SYT14: variants seen among roughly 807,000 people sequenced by gnomAD.
SYT14 encodes synaptotagmin 14.
SYT14 carries 32 observed loss-of-function variants against 74.2 expected under a neutral mutation model. The ratio of observed to expected loss-of-function variants is 0.43; its 90% CI spans 0.33 to 0.58. The LOEUF (loss-of-function observed/expected upper bound fraction) is 0.58, where lower values mean the gene tolerates loss of function less well. Ranked by LOEUF, SYT14 falls within the 20% of genes least tolerant of loss-of-function variation. SYT14 has a pLI of 0.05. For synonymous variants in SYT14, 298 were observed against 337.7 expected (o/e 0.88, Z 1.29); for missense variants, 791 against 981.8 (o/e 0.81, Z 2.60).
At chr1:210,119,489 G>A (rs778089422) in intron 7 of SYT14, among the ~76,000 whole-genome samples, 2 of 152,208 alleles carry the variant, frequency 1.3e-5, no homozygotes, top group Middle Eastern at 3.4e-3. Flanking sequence ...TTATTAGCAG[G>A]TTTCTAGTCT....
intron 2 of SYT14, among the ~76,000 whole-genome samples, chr1:210,000,184 A>C (rs227187): frequency 0.54 from 82,572 of 151,928 alleles, 23,719 homozygotes; most frequent in African/African-American, 0.73. Context: ...TCCCTATTTT[A>C]GTGTACAGTA....
intron 5 of SYT14, among the ~76,000 whole-genome samples, chr1:210,064,112 T>A (rs1444580609): frequency 6.6e-6 from 1 of 152,036 alleles, no homozygotes; most frequent in Non-Finnish European, 1.5e-5. Flanking sequence ...GCATACAATT[T>A]ATCTTGTATA....
chr1:210,153,260 C>T lies in SYT14; in HGVS notation c.2035-2461C>T, dbSNP rs549970238. Reference sequence around the variant, plus strand: ...CTCACCACATTTGGTATTCTTTTAGCTCATCTGTTTGTTGTGTAGCGTTAC... The same window carrying T: ...CTCACCACATTTGGTATTCTTTTAGTTCATCTGTTTGTTGTGTAGCGTTAC... On this transcript the variant is annotated intron_variant, in intron 7 of 9. Coordinates refer to ENST00000637265, the Ensembl canonical transcript of SYT14. 3.9e-5 allele frequency among the ~76,000 whole-genome samples: 6 copies of T among 152,262 alleles called. No homozygotes were observed. The South Asian group carries it at 1.2e-3, about 32-fold the overall frequency.
chr1:210,084,080 C>T (rs924007508), intron 5 of SYT14, among the ~76,000 whole-genome samples: 13 of 152,148 alleles, frequency 8.5e-5, no homozygotes, highest in African/African-American at 3.1e-4. Flanking sequence ...TATTTTTTAG[C>T]GCCATTACTT....
chr1:210,010,462 A>G (rs1160832146), intron 2 of SYT14, among the ~76,000 whole-genome samples: 2 of 152,116 alleles, frequency 1.3e-5, no homozygotes, highest in Admixed American at 6.5e-5. Context: ...TTCTGTCTTT[A>G]ACCATGCTAT....
chr1:210,155,151 A>G (rs934285731), intron 7 of SYT14, among the ~76,000 whole-genome samples: 9 of 152,286 alleles, frequency 5.9e-5, no homozygotes, highest in Non-Finnish European at 1.2e-4. Context: ...ATCATTTTGT[A>G]TACTTCTTCA....
chr1:209,976,468 A>G (rs1160998529), intron 2 of SYT14, among the ~76,000 whole-genome samples: 2 of 152,246 alleles, frequency 1.3e-5, no homozygotes, highest in Non-Finnish European at 2.9e-5. Flanking sequence ...TGTACCCAGT[A>G]GGCATTCAGG....
intron 2 of SYT14, among the ~76,000 whole-genome samples, chr1:209,975,237 T>G (rs904873303): frequency 3.8e-4 from 58 of 152,260 alleles, no homozygotes; most frequent in African/African-American, 1.4e-3. Flanking sequence ...TGGCCAGAAC[T>G]TCCAACACTA....
At chr1:210,083,882 T>C (rs1045276487) in intron 5 of SYT14, among the ~76,000 whole-genome samples, 3 of 152,088 alleles carry the variant, frequency 2.0e-5, no homozygotes, top group Admixed American at 6.6e-5. Flanking sequence ...ATTTTTAATT[T>C]TTTGTAGAGA....
At chr1:210,005,119 G>A (rs575340807) in intron 2 of SYT14, among the ~76,000 whole-genome samples, 1 of 152,116 alleles carries the variant, frequency 6.6e-6, no homozygotes, top group Admixed American at 6.5e-5. Context: ...TTCATACACA[G>A]TAAATCTATT....
intron 5 of SYT14, among the ~76,000 whole-genome samples, chr1:210,076,164 G>T (rs548669146): frequency 6.6e-6 from 1 of 152,080 alleles, no homozygotes; most frequent in Non-Finnish European, 1.5e-5. Flanking sequence ...GTTTTATTGA[G>T]ATACTTGACT....
At chr1:209,983,479 A>T (rs1053437094) in intron 2 of SYT14, among the ~76,000 whole-genome samples, 1 of 152,012 alleles carries the variant, frequency 6.6e-6, no homozygotes, top group African/African-American at 2.4e-5. Context: ...TGCCTGGCCA[A>T]ATCTGCCATT....
rs561069342 is a variant in SYT14, at chr1:210,052,665, C to CAAAAAAAAAAAAAAAAAAAAAAAAAA, written c.1312+31430_1312+31431insAAAAAAAAAAAAAAAAAAAAAAAAAA. On this transcript the variant is annotated intron_variant, in intron 5 of 9. Transcript: ENST00000637265. ...CAGCAAGAGCGAAACTACATCTCAC[C>CAAAAAAAAAAAAAAAAAAAAAAAAAA]AAAAAAAAAAAAAAAAAAAGCTCTC... Among the ~76,000 whole-genome samples the CAAAAAAAAAAAAAAAAAAAAAAAAAA allele has an allele frequency of 1.4e-4, 6 of 42,266 alleles. 1 individual carries two copies. The highest frequency in any genetic ancestry group is 2.5e-4 in the Non-Finnish European group (6 of 23,622). 27.7% of individuals were successfully genotyped at this position (42,266 alleles called of 152,430 possible). A position where few individuals can be genotyped will look rare whatever the true frequency, so the allele number is the denominator to read the frequency against.
chr1:210,094,575 T>G, exon 6 of SYT14: 2 of 1,613,916 alleles, frequency 1.2e-6, no homozygotes, highest in Non-Finnish European at 1.7e-6. Context: ...GTGACAGCAC[T>G]GCAGTCCTGA....
intron 2 of SYT14, chr1:209,953,279 G>C (rs2078940960): frequency 7.8e-7 from 1 of 1,281,904 alleles, no homozygotes; most frequent in South Asian, 1.2e-5. Context: ...TTACTAGGTG[G>C]GAGGCAAGGA....
At chr1:209,952,800 C>T in intron 2 of SYT14, 44 bp downstream of exon 2, 1 of 1,515,400 alleles carries the variant, frequency 6.6e-7, no homozygotes, top group Non-Finnish European at 9.1e-7. Flanking sequence ...TAAATGAATA[C>T]TTCCAAAGTG....
At chr1:210,080,693 A>G (rs1005975194) in intron 5 of SYT14, among the ~76,000 whole-genome samples, 3 of 152,248 alleles carry the variant, frequency 2.0e-5, no homozygotes, top group Non-Finnish European at 4.4e-5. Context: ...CTGCTCTTTC[A>G]GGAAGCTCAC....
At chr1:210,083,940 A>C (rs760544854) in intron 5 of SYT14, among the ~76,000 whole-genome samples, 4 of 152,196 alleles carry the variant, frequency 2.6e-5, no homozygotes, top group African/African-American at 9.7e-5. Context: ...CTTGGTCCCA[A>C]GCAATCCTCC....
chr1:209,943,883 T>C (rs1156462299), intron 1 of SYT14, among the ~76,000 whole-genome samples: 1 of 152,188 alleles, frequency 6.6e-6, no homozygotes, highest in Non-Finnish European at 1.5e-5. Flanking sequence ...TATGTATATA[T>C]AGTAATAGCT....
Sources: gnomAD v4.1 joint callset for allele counts (sites outside exome capture counted in the v4.1 genomes callset) on GRCh38, gnomAD v4.1.1 for gene constraint, MANE v1.5 for transcripts, NCBI Gene and HGNC (gene_info 2026-07-23, HGNC 2026-07-21) for gene names.